Variants in SSH2 observed in about 807,000 individuals in gnomAD.
The protein encoded by SSH2 is protein phosphatase Slingshot homolog 2.
In SSH2, 37 loss-of-function variants were observed where a neutral mutation model predicts 135.2. The ratio of observed to expected loss-of-function variants is 0.27; its 90% CI spans 0.21 to 0.36. SSH2 has a LOEUF of 0.36. Ranked by LOEUF, SSH2 falls within the 10% of genes least tolerant of loss-of-function variation. SSH2 has a pLI of 1.00. For missense variants in SSH2, 1,408 were observed against 1,765.3 expected, an observed-to-expected ratio of 0.80 and a Z score of 3.63; for synonymous variants, 628 against 646.2, an observed-to-expected ratio of 0.97 and a Z score of 0.43.
chr17:29,895,309 A>G (rs1337045667), intron 1 of SSH2, among the ~76,000 whole-genome samples: 1 of 94,822 alleles, frequency 1.1e-5, no homozygotes, highest in Non-Finnish European at 1.9e-5. Flanking sequence ...TATATGAAAT[A>G]TATAAAATAT....
chr17:29,913,881 G>A lies in SSH2; in HGVS notation c.63+16057C>T, dbSNP rs868241393. 3.3e-5 allele frequency among the ~76,000 whole-genome samples: 5 copies of A among 152,076 alleles called. No individual in the cohort carries two copies. In the East Asian group the frequency reaches 7.8e-4, roughly 24 times the overall value. ...ACTCCCGACCTCAGGTGATCCGCCC[G>A]CCTCAGCCTCCCAAAGTGCTGGAAT... On this transcript the variant is annotated intron_variant, in intron 1 of 15. Coordinates refer to ENST00000540801, the MANE Select transcript of SSH2 (RefSeq NM_001282129.2).
chr17:29,848,960 C>T, intron 1 of SSH2, 31 bp from the exon 2 acceptor site: 1 of 1,450,200 alleles, frequency 6.9e-7, no homozygotes, highest in Non-Finnish European at 9.3e-7. Context: ...TTTCAGAGAT[C>T]CAAACGAATG....
chr17:29,749,550 T>A (rs930011462), intron 3 of SSH2, among the ~76,000 whole-genome samples: 1 of 152,068 alleles, frequency 6.6e-6, no homozygotes, highest in Non-Finnish European at 1.5e-5. Flanking sequence ...AGATAAAAAG[T>A]GGTACACCTG....
rs879539533 is a variant in SSH2 at position 29,647,456 on chromosome 17, A to AT, written c.1427+687dup. On this transcript the variant is annotated intron_variant, in intron 14 of 15. Coordinates refer to ENST00000540801, the MANE Select transcript of SSH2 (RefSeq NM_001282129.2). ...ATTACCTTGAGAGTCACTGGTATCC[A>AT]TTTTTTTTTTTTAAGGGCAGCTGAA... Among the ~76,000 whole-genome samples the AT allele has an allele frequency of 8.5e-3, 1,231 of 145,384 alleles. 11 individuals carry two copies. The highest frequency in any genetic ancestry group is 0.026 in the African/African-American group (1,038 of 39,928).
At chr17:29,902,662 A>G (rs1432901056) in intron 1 of SSH2, among the ~76,000 whole-genome samples, 2 of 152,040 alleles carry the variant, frequency 1.3e-5, no homozygotes, top group Non-Finnish European at 2.9e-5. Flanking sequence ...AATTGGCTAA[A>G]AATATTCTTC....
rs1053926460 is a variant in SSH2, at chr17:29,626,525, T to G, written c.*4316A>C. 6.6e-6 allele frequency: 1 copy of G among 152,554 alleles called. No individual in the cohort carries two copies. Among genetic ancestry groups the G allele is most frequent in the South Asian group, 2.1e-4 (1 of 4,828 alleles). 9.5% of individuals were successfully genotyped at this position (152,554 alleles called of 1,614,324 possible). Reference sequence around the variant, plus strand: ...AATGCCTCTTAAGGGATCTTCAAGGTGATTAAGGATGATTCCAGTTTAGAA... The same window carrying G: ...AATGCCTCTTAAGGGATCTTCAAGGGGATTAAGGATGATTCCAGTTTAGAA... On this transcript the variant is annotated 3_prime_UTR_variant, in exon 16 of 16. Transcript: ENST00000540801.
In SSH2 at chr17:29,870,378, CAA is replaced by C. The variant is rs144080285; in HGVS notation, c.64-21451_64-21450del. On this transcript the variant is annotated intron_variant, in intron 1 of 15. Coordinates refer to ENST00000540801, the MANE Select transcript of SSH2 (RefSeq NM_001282129.2). ...GTGTATGCTTGCATGTCTATGCATG[CAA>C]AGAGACAAAGAAAACTATTAATATT... Among the ~76,000 whole-genome samples, 762 of 151,472 alleles carry C rather than the reference CAA, an allele frequency of 5.0e-3. 6 individuals carry two copies. Among genetic ancestry groups the C allele is most frequent in the African/African-American group, 0.017 (719 of 41,252 alleles).
rs139800204 is a variant in SSH2, at chr17:29,908,814, C to T, written c.63+21124G>A. Among the ~76,000 whole-genome samples, 649 of 142,562 alleles carry T rather than the reference C, an allele frequency of 4.6e-3. 7 individuals carry two copies. The highest frequency in any genetic ancestry group is 0.016 in the African/African-American group (616 of 37,998). 93.5% of individuals were successfully genotyped at this position (142,562 alleles called of 152,430 possible). A position where few individuals can be genotyped will look rare whatever the true frequency, so the allele number is the denominator to read the frequency against. ...AAAAAATTGGCCGGGAGTGGTGGCT[C>T]ACGCCTGTAATCCCAGCAATTTGAG... On this transcript the variant is annotated intron_variant, in intron 1 of 15. Coordinates refer to ENST00000540801, the MANE Select transcript of SSH2 (RefSeq NM_001282129.2).
At chr17:29,734,746 GC>G (rs1330322768) in intron 3 of SSH2, among the ~76,000 whole-genome samples, 1 of 152,090 alleles carries the variant, frequency 6.6e-6, no homozygotes, top group East Asian at 1.9e-4. Context: ...AAATATTCAG[GC>G]TTTATTGTAA....
In SSH2 at chr17:29,628,340, A is replaced by T. The variant is rs1350425056; in HGVS notation, c.*2501T>A. On this transcript the variant is annotated 3_prime_UTR_variant, in exon 16 of 16. Coordinates refer to ENST00000540801, the MANE Select transcript of SSH2 (RefSeq NM_001282129.2). The stretch of plus-strand genomic sequence containing the variant: ...CTTGAAAATTTTTTTTCCCCACAGT[A>T]TTAGTGGGTTTTGTCCCATCTTTGT... The T allele has an allele frequency of 6.6e-6, 1 of 152,212 alleles. No homozygotes were observed. The highest frequency in any genetic ancestry group is 1.5e-5 in the Non-Finnish European group (1 of 68,030). 9.4% of individuals were successfully genotyped at this position (152,212 alleles called of 1,614,324 possible).
At chr17:29,736,786 C>CAA (rs1194959594) in intron 3 of SSH2, among the ~76,000 whole-genome samples, 1,639 of 10,186 alleles carry the variant, frequency 0.16, 511 homozygotes, top group African/African-American at 0.25. Flanking sequence ...GACTCTGTCT[C>CAA]AAAAAAAAAA....
chr17:29,744,597 T>C (rs1163491582), intron 3 of SSH2, among the ~76,000 whole-genome samples: 6 of 152,038 alleles, frequency 3.9e-5, no homozygotes, highest in East Asian at 1.9e-4. Context: ...AACTAAAGAG[T>C]TGTACATTGC....
intron 2 of SSH2, among the ~76,000 whole-genome samples, chr17:29,810,462 AT>A (rs1189991933): frequency 2.0e-5 from 3 of 152,200 alleles, no homozygotes; most frequent in African/African-American, 7.2e-5. Context: ...TAACTTGCAT[AT>A]TTAAATAAGT....
At position 29,913,347 on chromosome 17, in the gene SSH2, AATATATATATATATATAT is replaced by A. The variant is rs56068605; in HGVS notation, c.63+16573_63+16590del. The stretch of plus-strand genomic sequence containing the variant: ...AAAAAAAAAAAAAAAAAAAAAAAAA[AATATATATATATATATAT>A]ATATATATATATATATATCCAATTT... On this transcript the variant is annotated intron_variant, in intron 1 of 15. Transcript: ENST00000540801. Among the ~76,000 whole-genome samples the A allele has an allele frequency of 8.3e-4, 24 of 28,786 alleles. 1 individual carries two copies. The highest frequency in any genetic ancestry group is 2.2e-3 in the African/African-American group (18 of 8,056). The allele number at this position is 28,786 out of a possible 152,430, so 18.9% of individuals were successfully genotyped here.
chr17:29,709,011 T>G lies in SSH2; in HGVS notation c.189-5949A>C, dbSNP rs369576320. Among the ~76,000 whole-genome samples, 711 of 96,678 alleles carry G rather than the reference T, an allele frequency of 7.4e-3. 4 individuals carry two copies. Among genetic ancestry groups the G allele is most frequent in the African/African-American group, 0.023 (682 of 29,500 alleles). 63.4% of individuals were successfully genotyped at this position (96,678 alleles called of 152,430 possible). On this transcript the variant is annotated intron_variant, in intron 3 of 15. Transcript: ENST00000540801. ...GTTAAGAAATATATATATATATATA[T>G]ATATAGAGAGAGAGAGAGAGAGAGA...
In SSH2 at chr17:29,913,346, A is replaced by AT. The variant is rs2066806419; in HGVS notation, c.63+16591_63+16592insA. On this transcript the variant is annotated intron_variant, in intron 1 of 15. Transcript: ENST00000540801. Reference sequence around the variant, plus strand: ...AAAAAAAAAAAAAAAAAAAAAAAAAAAATATATATATATATATATATATAT... The same window carrying AT: ...AAAAAAAAAAAAAAAAAAAAAAAAAATAATATATATATATATATATATATAT... 4.4e-3 allele frequency among the ~76,000 whole-genome samples: 197 copies of AT among 44,516 alleles called. 14 individuals carry two copies. The highest frequency in any genetic ancestry group is 7.6e-3 in the Non-Finnish European group (166 of 21,816). 29.2% of individuals were successfully genotyped at this position (44,516 alleles called of 152,430 possible).
chr17:29,860,062 G>T, intron 1 of SSH2, among the ~76,000 whole-genome samples: 1 of 152,104 alleles, frequency 6.6e-6, no homozygotes, highest in East Asian at 1.9e-4. Context: ...TGACCAGGCT[G>T]GTTTTGAACT....
chr17:29,860,224 C>G (rs1331504270), intron 1 of SSH2, among the ~76,000 whole-genome samples: 4 of 152,128 alleles, frequency 2.6e-5, no homozygotes, highest in Admixed American at 2.6e-4. Context: ...CTCCCACTAA[C>G]AGTGTATAAG....
chr17:29,697,438 G>A (rs2151110531), intron 4 of SSH2, among the ~76,000 whole-genome samples: 1 of 152,280 alleles, frequency 6.6e-6, no homozygotes, highest in South Asian at 2.1e-4. Context: ...AAAAAAATAG[G>A]TTGGCAAACG....
Sources: gnomAD v4.1 joint callset for allele counts (sites outside exome capture counted in the v4.1 genomes callset) on GRCh38, gnomAD v4.1.1 for gene constraint, MANE v1.5 for transcripts, NCBI Gene and HGNC (gene_info 2026-07-23, HGNC 2026-07-21) for gene names.